DACH2: variants seen among roughly 807,000 people sequenced by gnomAD.
DACH2 encodes the protein dachshund family transcription factor 2.
A neutral mutation model predicts 35.8 loss-of-function variants in DACH2; 17 were observed. The observed-to-expected ratio is 0.48, with a 90% CI of 0.33 to 0.71. The LOEUF (loss-of-function observed/expected upper bound fraction) is 0.71. Ranked by LOEUF, DACH2 falls within the 30% of genes least tolerant of loss-of-function variation. The probability of loss-of-function intolerance (pLI) is 0.02; values close to 1 mark genes in which losing one functional copy is unlikely to be tolerated. For synonymous variants in DACH2, 195 were observed against 177.3 expected, an observed-to-expected ratio of 1.10 and a Z score of -0.79; for missense variants, 469 against 472.7, an observed-to-expected ratio of 0.99 and a Z score of 0.07.
chrX:86,444,650 T>C (rs932929924), intron 2 of DACH2, among the ~76,000 whole-genome samples: 22 of 111,623 alleles, frequency 2.0e-4, no homozygotes, highest in African/African-American at 6.5e-4. Flanking sequence ...ATCTCTGGTT[T>C]TGTTTATTTG....
intron 1 of DACH2, among the ~76,000 whole-genome samples, chrX:86,347,069 G>T (rs903326797): frequency 2.2e-4 from 25 of 111,615 alleles, no homozygotes; most frequent in African/African-American, 8.1e-4. Context: ...AAAATTTTGG[G>T]TAGTGATTCT....
intron 1 of DACH2, among the ~76,000 whole-genome samples, chrX:86,198,893 G>T (rs1465176468): frequency 9.0e-6 from 1 of 110,589 alleles, no homozygotes; most frequent in East Asian, 2.9e-4. Flanking sequence ...GAGGAGGAGG[G>T]ACTCCTCCTT....
intron 2 of DACH2, among the ~76,000 whole-genome samples, chrX:86,462,900 T>C (rs1255281767): frequency 8.9e-6 from 1 of 111,753 alleles, no homozygotes; most frequent in Non-Finnish European, 1.9e-5. Context: ...ATTAGTTATG[T>C]TCACAGTTAT....
chrX:86,363,602 C>G (rs2035767868), intron 1 of DACH2, among the ~76,000 whole-genome samples: 1 of 111,485 alleles, frequency 9.0e-6, no homozygotes, highest in Admixed American at 9.6e-5. Flanking sequence ...TGTAAATATA[C>G]ATGATTGCTT....
intron 2 of DACH2, among the ~76,000 whole-genome samples, chrX:86,451,232 G>T (rs752562496): frequency 3.7e-4 from 41 of 111,702 alleles, no homozygotes; most frequent in Non-Finnish European, 6.4e-4. Flanking sequence ...ATTAATTTTT[G>T]TATATGGTAT....
intron 1 of DACH2, among the ~76,000 whole-genome samples, chrX:86,236,312 A>G (rs982560976): frequency 2.7e-5 from 3 of 112,256 alleles, no homozygotes; most frequent in African/African-American, 9.7e-5. Context: ...CGTCTTGTAC[A>G]TTGTGGACAC....
At chrX:86,498,854 T>G (rs1190177626) in intron 2 of DACH2, among the ~76,000 whole-genome samples, 1 of 112,052 alleles carries the variant, frequency 8.9e-6, no homozygotes, top group African/African-American at 3.2e-5. Context: ...AAGATTTTTT[T>G]TATTCTAATT....
chrX:86,502,011 T>TTCCTTCCTTCCTTCCTTCCTTCC (rs1569422509), intron 2 of DACH2, among the ~76,000 whole-genome samples: 3 of 95,549 alleles, frequency 3.1e-5, no homozygotes, highest in Non-Finnish European at 6.3e-5. Context: ...TCTTTCCTTC[T>TTCCTTCCTTCCTTCCTTCCTTCC]TTCCTTCCTT....
chrX:86,701,521 C>T (rs1049046576), intron 5 of DACH2, among the ~76,000 whole-genome samples: 1 of 111,503 alleles, frequency 9.0e-6, no homozygotes, highest in Non-Finnish European at 1.9e-5. Flanking sequence ...AGCAATCAGG[C>T]AGGGGGAAGA....
At position 86,376,855 on chromosome X, in the gene DACH2, G is replaced by C. The variant is rs948863380; in HGVS notation, c.520G>C (p.Val174Leu). The C allele has an allele frequency of 3.7e-6, 3 of 809,176 alleles. No homozygotes were observed. The African/African-American group carries it at 6.1e-5, about 17-fold the overall frequency. The allele number at this position is 809,176 out of a possible 1,213,427, so 66.7% of individuals were successfully genotyped here. Reference sequence around the variant, plus strand: ...GAGGCAAATGACAAGAAAACAAGCTGTTAACAGGTATTTATGTATTTATTT... The same window carrying C: ...GAGGCAAATGACAAGAAAACAAGCTCTTAACAGGTATTTATGTATTTATTT... ...RKRQMTRKQAVNSSRPGRPPK... is the reference protein window; with the variant it reads ...RKRQMTRKQALNSSRPGRPPK... Residue 174 changes from valine to leucine, a missense_variant, in exon 2 of 12, where the codon GTT (valine) becomes CTT (leucine). Transcript: ENST00000373125.
chrX:86,665,685 T>C (rs1444197188), intron 4 of DACH2, among the ~76,000 whole-genome samples: 2 of 111,624 alleles, frequency 1.8e-5, no homozygotes, highest in Non-Finnish European at 3.8e-5. Flanking sequence ...TTTTTTTGTA[T>C]CATCTATATT....
At chrX:86,782,559 C>T (rs1053203342) in intron 7 of DACH2, among the ~76,000 whole-genome samples, 7 of 111,611 alleles carry the variant, frequency 6.3e-5, no homozygotes, top group Non-Finnish European at 1.1e-4. Context: ...AAAATAGACA[C>T]ATAAACCAAT....
At chrX:86,656,806 T>A (rs940260906) in intron 4 of DACH2, among the ~76,000 whole-genome samples, 2 of 99,572 alleles carry the variant, frequency 2.0e-5, no homozygotes, top group African/African-American at 7.4e-5. Flanking sequence ...ACTGTCCAAT[T>A]AATCAAGCCA....
chrX:86,691,548 C>G, intron 4 of DACH2, among the ~76,000 whole-genome samples: 1 of 111,388 alleles, frequency 9.0e-6, no homozygotes, highest in Non-Finnish European at 1.9e-5. Flanking sequence ...CTAGAGTGGA[C>G]TCTAATCCAG....
chrX:86,160,675 C>CGT, intron 1 of DACH2: 1 of 495,693 alleles, frequency 2.0e-6, no homozygotes, highest in Non-Finnish European at 3.7e-6. Flanking sequence ...CCTTGACAGA[C>CGT]ACATTCTTGA....
At chrX:86,391,976 A>C (rs750430381) in intron 2 of DACH2, among the ~76,000 whole-genome samples, 1 of 111,029 alleles carries the variant, frequency 9.0e-6, no homozygotes, top group East Asian at 2.8e-4. Flanking sequence ...AATAGTTTGC[A>C]ATTTTTTTTT....
chrX:86,781,065 C>A (rs141465790), intron 7 of DACH2, among the ~76,000 whole-genome samples: 2 of 111,483 alleles, frequency 1.8e-5, no homozygotes, highest in Non-Finnish European at 3.8e-5. Context: ...CACGCATCCC[C>A]GTTCCAAGTT....
chrX:86,499,615 C>G lies in DACH2; in HGVS notation c.528-14664C>G, dbSNP rs184966815. ...GCATCTATGCTCATTTTCACAACTG[C>G]TAAATGTTAAGAAAAATGGCTTTTC... On this transcript the variant is annotated intron_variant, in intron 2 of 11. Coordinates refer to ENST00000373125, the MANE Select transcript of DACH2 (RefSeq NM_053281.3). Among the ~76,000 whole-genome samples the G allele has an allele frequency of 5.4e-5, 6 of 111,761 alleles. No individual in the cohort carries two copies. In the East Asian group the frequency reaches 1.7e-3, roughly 31 times the overall value.
intron 1 of DACH2, among the ~76,000 whole-genome samples, chrX:86,337,355 C>T (rs1458746139): frequency 8.9e-6 from 1 of 112,159 alleles, no homozygotes; most frequent in Non-Finnish European, 1.9e-5. Context: ...TAAAGGGAAG[C>T]CTATCAGAAT....
Sources: gnomAD v4.1 joint callset for allele counts (sites outside exome capture counted in the v4.1 genomes callset) on GRCh38, gnomAD v4.1.1 for gene constraint, MANE v1.5 for transcripts, NCBI Gene and HGNC (gene_info 2026-07-23, HGNC 2026-07-21) for gene names.